ASAP1: variants seen among roughly 807,000 people sequenced by gnomAD.
ASAP1 encodes the protein arf-GAP with SH3 domain, ANK repeat and PH domain-containing protein 1.
Under a neutral mutation model 145.2 loss-of-function variants are expected in ASAP1, and 43 were observed. The ratio of observed to expected loss-of-function variants is 0.30; its 90% CI spans 0.23 to 0.38. The LOEUF (loss-of-function observed/expected upper bound fraction) is 0.38, where lower values mean the gene tolerates loss of function less well. ASAP1 is among the 10% of genes least tolerant of loss of function. The pLI is 1.00. For synonymous variants in ASAP1, 546 were observed against 515.5 expected, an observed-to-expected ratio of 1.06 and a Z score of -0.80; for missense variants, 1,018 against 1,355.3, an observed-to-expected ratio of 0.75 and a Z score of 3.91.
intron 3 of ASAP1, among the ~76,000 whole-genome samples, chr8:130,320,771 T>TA (rs776318017): frequency 2.6e-5 from 4 of 152,132 alleles, no homozygotes; most frequent in Non-Finnish European, 5.9e-5. Context: ...TCTAACAGGC[T>TA]ACTCTGAAAG....
chr8:130,146,985 G>C (rs62524644), intron 13 of ASAP1, among the ~76,000 whole-genome samples: 23,626 of 152,048 alleles, frequency 0.16, 2,520 homozygotes, highest in East Asian at 0.44. Context: ...CAGAACTTTG[G>C]GAAGCCGAGG....
intron 16 of ASAP1, among the ~76,000 whole-genome samples, chr8:130,126,782 TTCTC>T (rs1395675071): frequency 6.6e-6 from 1 of 152,220 alleles, no homozygotes; most frequent in African/African-American, 2.4e-5. Context: ...AATCTGAGAC[TTCTC>T]TCTGAGGTGC....
At chr8:130,213,177 A>G (rs369021071) in intron 5 of ASAP1, among the ~76,000 whole-genome samples, 4 of 152,358 alleles carry the variant, frequency 2.6e-5, no homozygotes, top group African/African-American at 9.6e-5. Context: ...AAAAGCACAG[A>G]AACATTAGAG....
At chr8:130,196,890 T>C (rs1215608957) in intron 5 of ASAP1, among the ~76,000 whole-genome samples, 1 of 152,218 alleles carries the variant, frequency 6.6e-6, no homozygotes. Context: ...TTATAATACC[T>C]TGAAGCTATT....
intron 2 of ASAP1, among the ~76,000 whole-genome samples, chr8:130,388,089 C>A (rs75103912): frequency 6.6e-6 from 1 of 152,106 alleles, no homozygotes; most frequent in Non-Finnish European, 1.5e-5. Flanking sequence ...CAGGATGTGA[C>A]GACCATGGAG....
intron 3 of ASAP1, among the ~76,000 whole-genome samples, chr8:130,333,904 G>A (rs1249940753): frequency 1.3e-5 from 2 of 152,224 alleles, no homozygotes; most frequent in East Asian, 3.9e-4. Context: ...GGAACCCCGT[G>A]AAGCCTCATG....
At chr8:130,126,156 G>A in intron 16 of ASAP1, 67 bp from the exon 17 acceptor site, 2 of 1,460,474 alleles carry the variant, frequency 1.4e-6, no homozygotes. Flanking sequence ...CAACTACAGA[G>A]GAAGCTAAAA....
intron 3 of ASAP1, among the ~76,000 whole-genome samples, chr8:130,273,783 A>G (rs1467218529): frequency 3.3e-5 from 5 of 151,976 alleles, no homozygotes; most frequent in Non-Finnish European, 7.4e-5. Context: ...CACATGTAAC[A>G]CTCCCCAGGT....
intron 3 of ASAP1, among the ~76,000 whole-genome samples, chr8:130,291,800 A>G (rs1565177766): frequency 6.6e-6 from 1 of 152,204 alleles, no homozygotes; most frequent in Admixed American, 6.5e-5. Flanking sequence ...AAGATGCCAT[A>G]TGTTAAAGTT....
intron 5 of ASAP1, among the ~76,000 whole-genome samples, chr8:130,207,319 CTAAA>C (rs1816290279): frequency 6.6e-6 from 1 of 152,134 alleles, no homozygotes; most frequent in Non-Finnish European, 1.5e-5. Flanking sequence ...TGCAAGGCAA[CTAAA>C]TAAATATTTA....
chr8:130,372,376 T>C (rs955225643), intron 2 of ASAP1, among the ~76,000 whole-genome samples: 4 of 152,240 alleles, frequency 2.6e-5, no homozygotes, highest in Admixed American at 2.0e-4. Context: ...AGAGCAATCA[T>C]TTAAAATTCC....
chr8:130,443,301 C>G (rs1830557201), intron 1 of ASAP1, among the ~76,000 whole-genome samples, 159 bp downstream of exon 1: 1 of 151,826 alleles, frequency 6.6e-6, no homozygotes. Context: ...CGGCGCCCTC[C>G]CCGCGGAGAA....
chr8:130,175,571 A>C (rs1296894597), intron 9 of ASAP1, among the ~76,000 whole-genome samples: 5 of 152,106 alleles, frequency 3.3e-5, no homozygotes, highest in Admixed American at 3.3e-4. Flanking sequence ...GACTCTTATC[A>C]GAAAAATATT....
chr8:130,360,279 G>A (rs1826648623), intron 2 of ASAP1, among the ~76,000 whole-genome samples: 1 of 152,234 alleles, frequency 6.6e-6, no homozygotes, highest in Non-Finnish European at 1.5e-5. Flanking sequence ...AGAAAAGAAT[G>A]ACAAGAGTAA....
chr8:130,401,798 A>G (rs1828808308), intron 2 of ASAP1, 87 bp downstream of exon 2: 2 of 1,273,256 alleles, frequency 1.6e-6, no homozygotes, highest in Admixed American at 3.8e-5. Flanking sequence ...TGTGTTTGAT[A>G]AAATTTTGCA....
chr8:130,291,644 G>A (rs1821951692), intron 3 of ASAP1, among the ~76,000 whole-genome samples: 1 of 152,178 alleles, frequency 6.6e-6, no homozygotes, highest in African/African-American at 2.4e-5. Context: ...GAGTGAGAAA[G>A]TAAAGGGACA....
At chr8:130,109,650 G>A (rs2097543515) in intron 24 of ASAP1, among the ~76,000 whole-genome samples, 1 of 151,582 alleles carries the variant, frequency 6.6e-6, no homozygotes, top group South Asian at 2.1e-4. Flanking sequence ...AGAAGGAAAT[G>A]AAAAAAAACA....
intron 9 of ASAP1, among the ~76,000 whole-genome samples, chr8:130,171,352 T>C (rs778873839): frequency 2.6e-5 from 4 of 152,152 alleles, no homozygotes; most frequent in Non-Finnish European, 4.4e-5. Flanking sequence ...AGAGGTTTAA[T>C]TGACTCACAG....
intron 25 of ASAP1, among the ~76,000 whole-genome samples, chr8:130,081,930 C>T (rs2097481459): frequency 6.6e-6 from 1 of 152,114 alleles, no homozygotes; most frequent in African/African-American, 2.4e-5. Flanking sequence ...AGTATAATCA[C>T]CCCTCATTTT....
Sources: allele counts gnomAD v4.1 joint callset (sites outside exome capture counted in the v4.1 genomes callset), GRCh38; gene constraint gnomAD v4.1.1; transcripts MANE v1.5; gene names NCBI Gene and HGNC (gene_info 2026-07-23, HGNC 2026-07-21).